DPP10: variants seen among roughly 807,000 people sequenced by gnomAD.
DPP10 encodes inactive dipeptidyl peptidase 10.
Under a neutral mutation model 120.9 loss-of-function variants are expected in DPP10, and 33 were observed. The ratio of observed to expected loss-of-function variants is 0.27; its 90% CI spans 0.21 to 0.37. The LOEUF is 0.37. DPP10 is among the 10% of genes least tolerant of loss of function. The pLI, the probability that DPP10 is intolerant of heterozygous loss-of-function variation, is 1.00. For synonymous variants in DPP10, 337 were observed against 326.1 expected (o/e 1.03, Z -0.36); for missense variants, 816 against 942.8 (o/e 0.87, Z 1.76).
intron 3 of DPP10, among the ~76,000 whole-genome samples, chr2:115,397,715 A>T (rs942163419): frequency 6.6e-6 from 1 of 152,176 alleles, no homozygotes; most frequent in African/African-American, 2.4e-5. Context: ...ATTCTGCCCT[A>T]GCATTTTCTT....
chr2:115,787,007 TAGAAGAGATCCC>T (rs754363072), intron 17 of DPP10, among the ~76,000 whole-genome samples: 1 of 152,170 alleles, frequency 6.6e-6, no homozygotes, highest in Non-Finnish European at 1.5e-5. Context: ...GTGGAACATT[TAGAAGAGATCCC>T]AGAAGTGTCC....
intron 1 of DPP10, among the ~76,000 whole-genome samples, chr2:114,970,133 T>C (rs1352180976): frequency 6.6e-6 from 1 of 152,124 alleles, no homozygotes; most frequent in African/African-American, 2.4e-5. Flanking sequence ...AGGCAGAGGA[T>C]GGCCAAGCTT....
In DPP10 at chr2:115,167,505, G is replaced by C. The variant is rs941521742; in HGVS notation, c.61-141734G>C. On this transcript the variant is annotated intron_variant, in intron 1 of 25. Coordinates refer to ENST00000410059, the MANE Select transcript of DPP10 (RefSeq NM_020868.6). The stretch of plus-strand genomic sequence containing the variant: ...TCCTGTGGTCCCAGCTACTCAGGAG[G>C]CTGCGGTGGGAGGATTGCTTGAACC... Among the ~76,000 whole-genome samples the C allele has an allele frequency of 3.9e-5, 6 of 151,912 alleles. No individual in the cohort carries two copies. The East Asian group carries it at 7.8e-4, about 20-fold the overall frequency.
chr2:114,444,479 T>G (rs1185035055), intron 1 of DPP10, among the ~76,000 whole-genome samples: 1 of 152,154 alleles, frequency 6.6e-6, no homozygotes, highest in African/African-American at 2.4e-5. Flanking sequence ...TCCCTTTTCT[T>G]TATTGAGTAA....
intron 1 of DPP10, among the ~76,000 whole-genome samples, chr2:114,849,558 G>C (rs962343343): frequency 6.6e-6 from 1 of 152,044 alleles, no homozygotes; most frequent in Admixed American, 6.6e-5. Flanking sequence ...GGCTGCTCTT[G>C]AACTCCTGAC....
intron 1 of DPP10, among the ~76,000 whole-genome samples, chr2:115,033,363 A>G (rs1440601379): frequency 6.6e-6 from 1 of 151,936 alleles, no homozygotes; most frequent in Admixed American, 6.6e-5. Context: ...CACTCTCCTG[A>G]CCTTCTGTCA....
chr2:114,967,808 A>T (rs1196376095), intron 1 of DPP10, among the ~76,000 whole-genome samples: 2 of 151,908 alleles, frequency 1.3e-5, no homozygotes, highest in Non-Finnish European at 2.9e-5. Flanking sequence ...TATCATTATC[A>T]TTATTATTAT....
intron 1 of DPP10, among the ~76,000 whole-genome samples, chr2:115,171,644 C>G (rs1241245022): frequency 6.6e-6 from 1 of 151,416 alleles, no homozygotes; most frequent in Non-Finnish European, 1.5e-5. Flanking sequence ...TTCCCAGATT[C>G]AGCTGCTGGT....
chr2:114,583,049 G>C (rs79614240), intron 1 of DPP10, among the ~76,000 whole-genome samples: 11,801 of 152,238 alleles, frequency 0.078, 516 homozygotes, highest in Non-Finnish European at 0.093. Flanking sequence ...AGCACTTTGA[G>C]AACACTTGCT....
At chr2:115,724,433 G>A (rs1258069640) in intron 7 of DPP10, among the ~76,000 whole-genome samples, 1 of 152,150 alleles carries the variant, frequency 6.6e-6, no homozygotes, top group Non-Finnish European at 1.5e-5. Flanking sequence ...GAGCAACATT[G>A]ACTAACACAT....
intron 1 of DPP10, among the ~76,000 whole-genome samples, chr2:115,277,090 A>T (rs1457390559): frequency 6.6e-6 from 1 of 152,206 alleles, no homozygotes. Flanking sequence ...AGCTTTTATA[A>T]TACTTATAAC....
chr2:115,328,620 T>C (rs1450286690), intron 2 of DPP10, among the ~76,000 whole-genome samples: 1 of 152,024 alleles, frequency 6.6e-6, no homozygotes, highest in African/African-American at 2.4e-5. Context: ...TGTATGGGTT[T>C]TGTGTGTGTG....
At chr2:114,499,067 G>T (rs1682928818) in intron 1 of DPP10, among the ~76,000 whole-genome samples, 1 of 152,206 alleles carries the variant, frequency 6.6e-6, no homozygotes, top group Admixed American at 6.5e-5. Context: ...AAATCCCATA[G>T]TCCTGAAGTC....
chr2:115,763,920 T>G (rs1331282877), intron 12 of DPP10, among the ~76,000 whole-genome samples: 2 of 152,180 alleles, frequency 1.3e-5, no homozygotes, highest in Non-Finnish European at 2.9e-5. Context: ...GACCCTCATA[T>G]GCACAGGGAC....
intron 1 of DPP10, among the ~76,000 whole-genome samples, chr2:114,642,783 C>G (rs1409744075): frequency 3.3e-5 from 5 of 151,850 alleles, no homozygotes; most frequent in African/African-American, 4.9e-5. Flanking sequence ...CAGAAATCAT[C>G]AACGTATTGT....
At chr2:115,532,903 A>G (rs1321869660) in intron 5 of DPP10, among the ~76,000 whole-genome samples, 1 of 151,982 alleles carries the variant, frequency 6.6e-6, no homozygotes, top group Non-Finnish European at 1.5e-5. Context: ...TATTATCCAT[A>G]TATATTTGGA....
At chr2:115,400,258 A>G (rs1270844603) in intron 3 of DPP10, among the ~76,000 whole-genome samples, 1 of 152,184 alleles carries the variant, frequency 6.6e-6, no homozygotes, top group African/African-American at 2.4e-5. Context: ...TCATGGCTGA[A>G]TTTACCAAAT....
At chr2:115,629,919 T>C (rs1269921917) in intron 5 of DPP10, among the ~76,000 whole-genome samples, 1 of 152,202 alleles carries the variant, frequency 6.6e-6, no homozygotes, top group Non-Finnish European at 1.5e-5. Context: ...TAAAGTAGTT[T>C]TTTTCCAATT....
intron 4 of DPP10, among the ~76,000 whole-genome samples, chr2:115,524,038 G>A (rs139065708): frequency 5.4e-4 from 82 of 152,204 alleles, no homozygotes; most frequent in African/African-American, 1.5e-3. Context: ...GTGATGTCTC[G>A]CTGACCATTC....
Sources: allele counts gnomAD v4.1 joint callset (sites outside exome capture counted in the v4.1 genomes callset), GRCh38; gene constraint gnomAD v4.1.1; transcripts MANE v1.5; gene names NCBI Gene and HGNC (gene_info 2026-07-23, HGNC 2026-07-21).